CDC42BPA: variants seen among roughly 807,000 people sequenced by gnomAD.
CDC42BPA encodes CDC42 binding protein kinase alpha.
CDC42BPA carries 80 observed loss-of-function variants against 223.5 expected under a neutral mutation model. That is an observed-to-expected ratio of 0.36 (90% CI 0.30 to 0.43). CDC42BPA has a LOEUF of 0.43. Ranked by LOEUF, CDC42BPA falls within the 20% of genes least tolerant of loss-of-function variation. CDC42BPA has a pLI of 1.00. For synonymous variants in CDC42BPA, 694 were observed against 718.6 expected (o/e 0.97, Z 0.55); for missense variants, 1,743 against 2,099.9 (o/e 0.83, Z 3.32).
At chr1:227,150,000 T>G (rs10916095) in intron 6 of CDC42BPA, among the ~76,000 whole-genome samples, 140,402 of 151,842 alleles carry the variant, frequency 0.92, 65,090 homozygotes, top group South Asian at 0.98. Flanking sequence ...GAGGCGGGTG[T>G]TTCACTTGAG....
intron 1 of CDC42BPA, among the ~76,000 whole-genome samples, chr1:227,306,431 T>C (rs919393832): frequency 1.3e-5 from 2 of 152,124 alleles, no homozygotes; most frequent in Non-Finnish European, 2.9e-5. Context: ...GAGACAAATA[T>C]GATGATCACA....
At chr1:227,293,767 C>T (rs1306258943) in intron 1 of CDC42BPA, among the ~76,000 whole-genome samples, 6 of 152,180 alleles carry the variant, frequency 3.9e-5, no homozygotes, top group Admixed American at 2.0e-4. Context: ...GCCGAGATGG[C>T]GCCATTGCAC....
chr1:227,041,729 A>G (rs1671414574), intron 23 of CDC42BPA, among the ~76,000 whole-genome samples: 1 of 152,168 alleles, frequency 6.6e-6, no homozygotes, highest in East Asian at 1.9e-4. Context: ...TCCAACCTCA[A>G]AGCATTGTGT....
intron 22 of CDC42BPA, among the ~76,000 whole-genome samples, chr1:227,050,595 CCA>C (rs1673349691): frequency 1.3e-5 from 2 of 151,924 alleles, no homozygotes; most frequent in Admixed American, 6.6e-5. Flanking sequence ...GTGGTATATG[CCA>C]CAGTTATAAT....
At chr1:227,023,878 G>T (rs1667805085) in intron 31 of CDC42BPA, among the ~76,000 whole-genome samples, 1 of 152,038 alleles carries the variant, frequency 6.6e-6, no homozygotes, top group Admixed American at 6.6e-5. Flanking sequence ...ATTTAAAAAA[G>T]ATTTTTTAAA....
chr1:227,225,367 T>C lies in CDC42BPA; in HGVS notation c.271-12148A>G, dbSNP rs145859693. Among the ~76,000 whole-genome samples the C allele has an allele frequency of 7.8e-4, 119 of 152,124 alleles. 1 individual carries two copies. In the East Asian group the frequency reaches 0.021, roughly 27 times the overall value. ...TTTCATTAGTCAAAAGAGGGAAGCATGAAAGAAAAAAAGAACTCCATTTTC... is the reference window on the plus strand; with the variant it reads ...TTTCATTAGTCAAAAGAGGGAAGCACGAAAGAAAAAAAGAACTCCATTTTC... On this transcript the variant is annotated intron_variant, in intron 2 of 36. Coordinates refer to ENST00000366766, the MANE Select transcript of CDC42BPA (RefSeq NM_001394014.1).
chr1:227,083,210 C>T (rs1442287671), intron 16 of CDC42BPA, among the ~76,000 whole-genome samples: 1 of 152,130 alleles, frequency 6.6e-6, no homozygotes, highest in African/African-American at 2.4e-5. Flanking sequence ...TCATCACATC[C>T]TCTATGTCTT....
chr1:227,267,343 A>G (rs1685175140), intron 1 of CDC42BPA, among the ~76,000 whole-genome samples: 1 of 152,194 alleles, frequency 6.6e-6, no homozygotes, highest in African/African-American at 2.4e-5. Context: ...TAAAGCTTAG[A>G]TAAGATCATC....
chr1:227,048,044 A>C, intron 22 of CDC42BPA, 34 bp from the exon 23 acceptor site: 16 of 1,252,272 alleles, frequency 1.3e-5, no homozygotes, highest in Non-Finnish European at 1.4e-5. Context: ...AATAAATGTC[A>C]TGAAACACTC....
chr1:227,231,722 C>T (rs1678008133), intron 2 of CDC42BPA, among the ~76,000 whole-genome samples: 1 of 151,932 alleles, frequency 6.6e-6, no homozygotes, highest in East Asian at 1.9e-4. Context: ...ATTTGCATTT[C>T]TCTGATGGCC....
At chr1:227,187,679 ACCCC>A (rs1177264278) in intron 5 of CDC42BPA, among the ~76,000 whole-genome samples, 4 of 5,486 alleles carry the variant, frequency 7.3e-4, no homozygotes, top group Non-Finnish European at 1.1e-3. Flanking sequence ...GGCACCCCCC[ACCCC>A]CCCCCCAAAA....
chr1:227,122,884 T>C (rs1214200767), intron 11 of CDC42BPA, among the ~76,000 whole-genome samples: 1 of 152,242 alleles, frequency 6.6e-6, no homozygotes, highest in African/African-American at 2.4e-5. Flanking sequence ...TTACTTTCAC[T>C]ACAACAAATA....
intron 3 of CDC42BPA, among the ~76,000 whole-genome samples, chr1:227,203,610 T>C (rs1380499258): frequency 6.6e-6 from 1 of 152,170 alleles, no homozygotes; most frequent in Non-Finnish European, 1.5e-5. Context: ...GAATATTTGA[T>C]ATCTAAGAAT....
chr1:227,001,359 T>C (rs922527357), intron 35 of CDC42BPA, among the ~76,000 whole-genome samples: 5 of 152,080 alleles, frequency 3.3e-5, no homozygotes, highest in Admixed American at 2.6e-4. Flanking sequence ...ACCAGGGACA[T>C]AAAAAAGGCC....
intron 2 of CDC42BPA, among the ~76,000 whole-genome samples, chr1:227,253,181 A>AAG (rs954166760): frequency 4.0e-5 from 6 of 151,360 alleles, no homozygotes; most frequent in African/African-American, 1.2e-4. Context: ...TCCTGGAAAA[A>AAG]AGAGAGAGAG....
chr1:227,003,414 A>G (rs906896408), intron 35 of CDC42BPA, among the ~76,000 whole-genome samples: 4 of 152,184 alleles, frequency 2.6e-5, no homozygotes, highest in African/African-American at 9.7e-5. Context: ...GAAAGCACAC[A>G]CTTGAGAAAG....
chr1:227,180,586 A>G (rs1667766887), intron 5 of CDC42BPA: 2 of 152,208 alleles, frequency 1.3e-5, no homozygotes, highest in Admixed American at 1.3e-4. Context: ...AATCAAGGTA[A>G]GATCTAAGTC....
chr1:227,030,134 C>CA (rs112837037), intron 29 of CDC42BPA, among the ~76,000 whole-genome samples: 46,084 of 119,070 alleles, frequency 0.39, 7,201 homozygotes, highest in East Asian at 0.47. Context: ...ACTCTGTCTC[C>CA]AAAAAAAAAA....
intron 14 of CDC42BPA, among the ~76,000 whole-genome samples, chr1:227,103,826 T>C (rs1685450448): frequency 6.6e-6 from 1 of 152,012 alleles, no homozygotes; most frequent in African/African-American, 2.4e-5. Flanking sequence ...GATTAAACAG[T>C]TAATTATTTT....
Sources: allele counts gnomAD v4.1 joint callset (sites outside exome capture counted in the v4.1 genomes callset), GRCh38; gene constraint gnomAD v4.1.1; transcripts MANE v1.5; gene names NCBI Gene and HGNC (gene_info 2026-07-23, HGNC 2026-07-21).